CDH23: variants seen among roughly 807,000 people sequenced by gnomAD.
CDH23 encodes the protein cadherin-23.
In CDH23, 189 loss-of-function variants were observed where a neutral mutation model predicts 317.1. The ratio of observed to expected loss-of-function variants is 0.60; its 90% confidence interval spans 0.53 to 0.67. The LOEUF (loss-of-function observed/expected upper bound fraction) is 0.67, where lower values mean the gene tolerates loss of function less well. Among genes scored for constraint, CDH23 ranks in the 30% least tolerant of loss-of-function variants. The pLI is 0.00. For missense variants in CDH23, 4,401 were observed against 4,592.4 expected (o/e 0.96, Z 1.20); for synonymous variants, 1,839 against 1,876.8 (o/e 0.98, Z 0.52).
intron 22 of CDH23, among the ~76,000 whole-genome samples, chr10:71,695,790 G>A (rs993414699): frequency 6.6e-6 from 1 of 152,186 alleles, no homozygotes; most frequent in African/African-American, 2.4e-5. Context: ...ACAGTGGCAG[G>A]GGAGCTCTGG....
intron 3 of CDH23, among the ~76,000 whole-genome samples, chr10:71,454,621 T>A (rs1850599916): frequency 6.6e-6 from 1 of 152,112 alleles, no homozygotes; most frequent in South Asian, 2.1e-4. Context: ...TATGTGTCTG[T>A]GCTCAGGCTG....
At chr10:71,770,111 C>T (rs1190064204) in intron 38 of CDH23, among the ~76,000 whole-genome samples, 1 of 152,218 alleles carries the variant, frequency 6.6e-6, no homozygotes, top group Non-Finnish European at 1.5e-5. Context: ...CCAATGCCTT[C>T]CCAGGCCCTG....
chr10:71,536,477 A>G (rs1450861261), intron 6 of CDH23, among the ~76,000 whole-genome samples: 1 of 152,172 alleles, frequency 6.6e-6, no homozygotes, highest in Non-Finnish European at 1.5e-5. Flanking sequence ...GAAAATAGTG[A>G]GTCACTGAAG....
chr10:71,427,191 GAAA>G (rs1849119357), intron 1 of CDH23, among the ~76,000 whole-genome samples: 1 of 61,974 alleles, frequency 1.6e-5, no homozygotes, highest in African/African-American at 5.6e-5. Flanking sequence ...AGGAAGGAAG[GAAA>G]GAGAAAGAAA....
At chr10:71,617,100 T>C in intron 10 of CDH23, 105 bp from the exon 11 acceptor site, 1 of 1,445,268 alleles carries the variant, frequency 6.9e-7, no homozygotes, top group Middle Eastern at 2.0e-4. Flanking sequence ...GATGGGATCA[T>C]TCACATTGAG....
chr10:71,645,574 A>G, intron 12 of CDH23: 1 of 674,296 alleles, frequency 1.5e-6, no homozygotes, highest in Non-Finnish European at 2.7e-6. Context: ...AAACCACCTG[A>G]AGGGGACACT....
At chr10:71,491,913 G>C (rs573414092) in intron 3 of CDH23, among the ~76,000 whole-genome samples, 2 of 152,118 alleles carry the variant, frequency 1.3e-5, no homozygotes, top group Non-Finnish European at 2.9e-5. Context: ...TTCCCCACTC[G>C]AGCACACGCA....
intron 3 of CDH23, among the ~76,000 whole-genome samples, chr10:71,490,619 A>G (rs1223345447): frequency 2.0e-5 from 3 of 152,256 alleles, no homozygotes; most frequent in Non-Finnish European, 2.9e-5. Flanking sequence ...GGCTACACGA[A>G]TGAGGGTCAT....
intron 3 of CDH23, among the ~76,000 whole-genome samples, chr10:71,480,393 C>T (rs1431037757): frequency 6.6e-6 from 1 of 152,262 alleles, no homozygotes; most frequent in Non-Finnish European, 1.5e-5. Context: ...AGGATGCAGA[C>T]ACTGCTGTCC....
At chr10:71,810,129 G>A (rs1027892239) in intron 61 of CDH23, 53 bp downstream of exon 61, 2 of 1,596,894 alleles carry the variant, frequency 1.3e-6, no homozygotes, top group Non-Finnish European at 1.7e-6. Context: ...AGGAAGGGGA[G>A]GCCAGGCCAC....
chr10:71,801,780 G>T (rs1841564312), intron 53 of CDH23, among the ~76,000 whole-genome samples: 1 of 152,190 alleles, frequency 6.6e-6, no homozygotes, highest in African/African-American at 2.4e-5. Context: ...AGAAAGGGCT[G>T]GGAACACATG....
At chr10:71,461,856 G>A (rs985273137) in intron 3 of CDH23, among the ~76,000 whole-genome samples, 2 of 152,230 alleles carry the variant, frequency 1.3e-5, no homozygotes, top group African/African-American at 4.8e-5. Flanking sequence ...CATGTTGGCA[G>A]TGCCCGGCTT....
intron 6 of CDH23, among the ~76,000 whole-genome samples, chr10:71,563,594 C>T (rs369402875): frequency 2.6e-5 from 4 of 152,280 alleles, no homozygotes; most frequent in Admixed American, 2.0e-4. Context: ...ATGTGGGGCT[C>T]ATCTCACCCT....
chr10:71,597,743 A>G (rs1316299106), intron 9 of CDH23, among the ~76,000 whole-genome samples: 45 of 152,190 alleles, frequency 3.0e-4, no homozygotes, highest in Non-Finnish European at 5.9e-5. Context: ...CACCTTTGCA[A>G]TACAGGACTT....
At chr10:71,568,139 G>A (rs1446913081) in intron 7 of CDH23, among the ~76,000 whole-genome samples, 2 of 152,232 alleles carry the variant, frequency 1.3e-5, no homozygotes, top group Admixed American at 6.5e-5. Flanking sequence ...TGGCCCAGTG[G>A]CTGTGGGGAG....
intron 13 of CDH23, 71 bp from the exon 14 acceptor site, chr10:71,646,388 G>A: frequency 1.9e-6 from 3 of 1,582,750 alleles, no homozygotes; most frequent in Non-Finnish European, 2.6e-6. Flanking sequence ...GCATGGAGAG[G>A]ACTTACAGGG....
At chr10:71,603,071 A>G (rs1047703487) in intron 9 of CDH23, among the ~76,000 whole-genome samples, 3 of 152,120 alleles carry the variant, frequency 2.0e-5, no homozygotes, top group Non-Finnish European at 4.4e-5. Context: ...CCAGTGGTAG[A>G]TAGGTGGTCT....
At chr10:71,509,450 G>C (rs1464689240) in intron 3 of CDH23, among the ~76,000 whole-genome samples, 1 of 152,240 alleles carries the variant, frequency 6.6e-6, no homozygotes, top group Admixed American at 6.5e-5. Flanking sequence ...TCAGGAATCT[G>C]TCTCTCCATA....
chr10:71,521,764 T>C (rs977398644), intron 6 of CDH23, among the ~76,000 whole-genome samples: 1 of 152,200 alleles, frequency 6.6e-6, no homozygotes, highest in African/African-American at 2.4e-5. Flanking sequence ...CTTCACTTAG[T>C]CCTCTCTCCT....
Sources: gnomAD v4.1 joint callset for allele counts (sites outside exome capture counted in the v4.1 genomes callset) on GRCh38, gnomAD v4.1.1 for gene constraint, MANE v1.5 for transcripts, NCBI Gene and HGNC (gene_info 2026-07-23, HGNC 2026-07-21) for gene names.